The following EXOC4 variants were observed in gnomAD, a reference collection of about 807,000 sequenced individuals.
EXOC4 encodes SEC8-like 1.
In EXOC4, 71 loss-of-function variants were observed where a neutral mutation model predicts 107.2. The ratio of observed to expected loss-of-function variants is 0.66; its 90% CI spans 0.55 to 0.81. The LOEUF is 0.81. EXOC4 is among the 30% of genes least tolerant of loss of function. The pLI, the probability that EXOC4 is intolerant of heterozygous loss-of-function variation, is 0.00. For missense variants in EXOC4, 1,108 were observed against 1,189.6 expected, an observed-to-expected ratio of 0.93 and a Z score of 1.01; for synonymous variants, 456 against 441.2, an observed-to-expected ratio of 1.03 and a Z score of -0.42.
intron 11 of EXOC4, among the ~76,000 whole-genome samples, chr7:133,859,983 C>T (rs1297263891): frequency 6.6e-6 from 1 of 152,144 alleles, no homozygotes; most frequent in Non-Finnish European, 1.5e-5. Flanking sequence ...AAAACTCCAA[C>T]CCGTAGAACA....
chr7:133,868,081 G>A (rs1160627874), intron 11 of EXOC4, among the ~76,000 whole-genome samples: 2 of 152,196 alleles, frequency 1.3e-5, no homozygotes, highest in East Asian at 3.8e-4. Context: ...TTTATATGGA[G>A]TTTGGTTCAA....
chr7:134,055,700 T>C (rs906135114), intron 17 of EXOC4, among the ~76,000 whole-genome samples: 1 of 152,210 alleles, frequency 6.6e-6, no homozygotes, highest in Non-Finnish European at 1.5e-5. Context: ...ACTCCAACTC[T>C]TTGTGCCTTT....
chr7:133,404,383 G>A (rs552566128), intron 7 of EXOC4, among the ~76,000 whole-genome samples: 4 of 152,220 alleles, frequency 2.6e-5, no homozygotes, highest in Admixed American at 2.6e-4. Context: ...GATTACAGGC[G>A]TGAGCCACCG....
intron 10 of EXOC4, among the ~76,000 whole-genome samples, chr7:133,757,957 C>T (rs1252487293): frequency 6.6e-6 from 1 of 152,148 alleles, no homozygotes; most frequent in Non-Finnish European, 1.5e-5. Context: ...GCTGCAGAAC[C>T]TGCTTTCTTA....
At chr7:133,502,961 C>T (rs915928164) in intron 9 of EXOC4, among the ~76,000 whole-genome samples, 1 of 152,184 alleles carries the variant, frequency 6.6e-6, no homozygotes, top group African/African-American at 2.4e-5. Flanking sequence ...ATCCAACCCT[C>T]TCTTCATTGC....
rs1019791422 is a variant in EXOC4 at position 133,895,591 on chromosome 7, A to T, written c.1735-8A>T. ...ATCTCATATCCTCTCTTTGTTGTTC[A>T]TTTCCAGAGCACAATCATTGTGGAG... On this transcript the variant is annotated splice_polypyrimidine_tract_variant and splice_region_variant and intron_variant, in intron 11 of 17. Coordinates refer to ENST00000253861, the MANE Select transcript of EXOC4 (RefSeq NM_021807.4). 2.5e-6 allele frequency: 4 copies of T among 1,613,314 alleles called. No individual in the cohort carries two copies. Among genetic ancestry groups the T allele is most frequent in the Non-Finnish European group, 3.4e-6 (4 of 1,179,518 alleles).
chr7:133,258,492 C>T (rs1795068364), intron 1 of EXOC4, among the ~76,000 whole-genome samples: 1 of 152,166 alleles, frequency 6.6e-6, no homozygotes, highest in Admixed American at 6.5e-5. Flanking sequence ...TTAGTTTCCT[C>T]ATTTGGAAAG....
At chr7:133,424,272 G>A (rs1017112846) in intron 7 of EXOC4, among the ~76,000 whole-genome samples, 25 of 152,146 alleles carry the variant, frequency 1.6e-4, no homozygotes, top group African/African-American at 6.0e-4. Flanking sequence ...CTTATGAGCT[G>A]TAACACTCAC....
chr7:133,307,578 C>CTTAA (rs1794781703), intron 4 of EXOC4, among the ~76,000 whole-genome samples: 1 of 152,206 alleles, frequency 6.6e-6, no homozygotes, highest in South Asian at 2.1e-4. Context: ...ATTTAAGAGA[C>CTTAA]TTAAGCTCAA....
intron 10 of EXOC4, among the ~76,000 whole-genome samples, chr7:133,647,816 G>A (rs1039330109): frequency 1.3e-5 from 2 of 152,056 alleles, no homozygotes; most frequent in African/African-American, 4.8e-5. Flanking sequence ...CCTAATTAGA[G>A]CCATCATGGA....
intron 11 of EXOC4, among the ~76,000 whole-genome samples, chr7:133,881,313 A>G (rs558750321): frequency 4.3e-4 from 64 of 150,376 alleles, no homozygotes; most frequent in African/African-American, 1.5e-3. Flanking sequence ...GCCATGAACA[A>G]CCACTCTCAG....
At chr7:133,754,067 C>T (rs576286269) in intron 10 of EXOC4, among the ~76,000 whole-genome samples, 19 of 152,198 alleles carry the variant, frequency 1.2e-4, no homozygotes, top group African/African-American at 4.1e-4. Flanking sequence ...CCAAAGGCAA[C>T]GAAAGTAGTT....
chr7:133,950,993 A>T (rs566532768), intron 14 of EXOC4, among the ~76,000 whole-genome samples: 4 of 152,304 alleles, frequency 2.6e-5, no homozygotes, highest in Admixed American at 2.0e-4. Context: ...AAACACCCCC[A>T]CAAAAAGGTT....
At chr7:133,956,620 T>A (rs1800825467) in intron 14 of EXOC4, among the ~76,000 whole-genome samples, 1 of 152,186 alleles carries the variant, frequency 6.6e-6, no homozygotes, top group Non-Finnish European at 1.5e-5. Context: ...CTCCATGTGG[T>A]CCTTTCATCT....
In EXOC4 at chr7:133,971,357, T is replaced by G. The variant is rs1314648695; in HGVS notation, c.2207-26135T>G. Among the ~76,000 whole-genome samples, 361 of 100,424 alleles carry G rather than the reference T, an allele frequency of 3.6e-3. 1 individual carries two copies. Among genetic ancestry groups the G allele is most frequent in the Middle Eastern group, 4.7e-3 (1 of 214 alleles). The allele number at this position is 100,424 out of a possible 152,430, so 65.9% of individuals were successfully genotyped here. On this transcript the variant is annotated intron_variant, in intron 14 of 17. Transcript: ENST00000253861. ...GTGTATATATATATATATATATATATATATAGAGAGAGAGAGAGAGAGAGA... is the reference window on the plus strand; with the variant it reads ...GTGTATATATATATATATATATATAGATATAGAGAGAGAGAGAGAGAGAGA...
chr7:133,612,145 T>C (rs1028071011), intron 9 of EXOC4, among the ~76,000 whole-genome samples: 2 of 152,172 alleles, frequency 1.3e-5, no homozygotes, highest in Admixed American at 6.6e-5. Flanking sequence ...AGGAAAAAGC[T>C]GACTCAGACA....
intron 10 of EXOC4, among the ~76,000 whole-genome samples, chr7:133,727,095 A>G (rs1356691816): frequency 2.6e-5 from 4 of 152,270 alleles, no homozygotes; most frequent in South Asian, 2.1e-4. Flanking sequence ...AATTTTTTCA[A>G]TTTAAATAAT....
At chr7:133,969,139 G>A (rs138990358) in intron 14 of EXOC4, among the ~76,000 whole-genome samples, 10 of 152,130 alleles carry the variant, frequency 6.6e-5, no homozygotes, top group African/African-American at 2.4e-4. Flanking sequence ...TTTGGCTATT[G>A]CTACTTGTGT....
intron 2 of EXOC4, among the ~76,000 whole-genome samples, chr7:133,278,109 G>T (rs1314908021): frequency 6.6e-6 from 1 of 152,112 alleles, no homozygotes; most frequent in African/African-American, 2.4e-5. Flanking sequence ...TGTGTTTTAG[G>T]TGCTAGGGCT....
Sources: gnomAD v4.1 joint callset for allele counts (sites outside exome capture counted in the v4.1 genomes callset) on GRCh38, gnomAD v4.1.1 for gene constraint, MANE v1.5 for transcripts, NCBI Gene and HGNC (gene_info 2026-07-23, HGNC 2026-07-21) for gene names.